The following PLCZ1 variants were observed in gnomAD, a reference collection of about 807,000 sequenced individuals.
The protein encoded by PLCZ1 is phospholipase C zeta 1, also known as 1-phosphatidylinositol 4,5-bisphosphate phosphodiesterase zeta-1.
Under a neutral mutation model 76.8 loss-of-function variants are expected in PLCZ1, and 64 were observed. The ratio of observed to expected loss-of-function variants is 0.83; its 90% CI spans 0.68 to 1.03. The LOEUF is 1.03. Ranked by LOEUF, PLCZ1 falls within the 50% of genes least tolerant of loss-of-function variation. PLCZ1 has a pLI of 0.00. For synonymous variants in PLCZ1, 248 were observed against 230.8 expected (o/e 1.07, Z -0.68); for missense variants, 751 against 713.7 (o/e 1.05, Z -0.60).
chr12:18,709,392 C>A (rs1957024915), intron 6 of PLCZ1, among the ~76,000 whole-genome samples: 2 of 152,094 alleles, frequency 1.3e-5, no homozygotes, highest in African/African-American at 4.8e-5. Context: ...TTTTTCTGCA[C>A]AGGACCATGC....
the PLCZ1 span, among the ~76,000 whole-genome samples, chr12:18,656,597 A>G: frequency 6.6e-6 from 1 of 152,090 alleles, no homozygotes; most frequent in Non-Finnish European, 1.5e-5. Context: ...ATAGCCAGGC[A>G]TGGTTACATG....
In PLCZ1 at chr12:18,712,917, T is replaced by A. The variant is rs1308174787; in HGVS notation, c.639A>T (p.Val213=). 1 of 1,613,952 alleles carries A rather than the reference T, an allele frequency of 6.2e-7. No individual in the cohort carries two copies. Among genetic ancestry groups the A allele is most frequent in the Non-Finnish European group, 8.5e-7 (1 of 1,179,864 alleles). Residue 213 remains valine (V), a synonymous_variant, in exon 6 of 15, where the codon GTA becomes GTT. Transcript: ENST00000266505. The part of the protein sequence containing the change: ...CWDGAQNEPV[V]YHGYTLTSKL... Reference sequence around the variant, plus strand: ...TGCTTGTGAGTGTGTAGCCATGATATACAACAGGTTCATTTTGTGCTCCAT... The same window carrying A: ...TGCTTGTGAGTGTGTAGCCATGATAAACAACAGGTTCATTTTGTGCTCCAT...
At chr12:18,735,541 C>A (rs1459268972) in intron 3 of PLCZ1, among the ~76,000 whole-genome samples, 1 of 152,132 alleles carries the variant, frequency 6.6e-6, no homozygotes, top group Non-Finnish European at 1.5e-5. Context: ...CACACAGCCT[C>A]TCAGTCTCCT....
chr12:18,671,317 G>C, the PLCZ1 span, among the ~76,000 whole-genome samples: 1 of 152,062 alleles, frequency 6.6e-6, no homozygotes, highest in East Asian at 1.9e-4. Flanking sequence ...GAAGATATTG[G>C]GATTTTTTTT....
chr12:18,669,512 C>T, the PLCZ1 span, among the ~76,000 whole-genome samples: 1 of 152,160 alleles, frequency 6.6e-6, no homozygotes, highest in South Asian at 2.1e-4. Context: ...GCTTAAACAA[C>T]AGAAATTTAT....
chr12:18,700,418 C>T (rs1461499193), intron 9 of PLCZ1, among the ~76,000 whole-genome samples: 1 of 146,762 alleles, frequency 6.8e-6, no homozygotes, highest in Non-Finnish European at 1.5e-5. Flanking sequence ...AAGTATGAGT[C>T]AGGCAGATTG....
At chr12:18,649,807 A>G in the PLCZ1 span, among the ~76,000 whole-genome samples, 23,670 of 152,054 alleles carry the variant, frequency 0.16, 2,356 homozygotes, top group East Asian at 0.44. Flanking sequence ...TATTTTCTTC[A>G]TTTGGCTTCC....
At chr12:18,683,368 C>T (rs749833280) in intron 14 of PLCZ1, 44 bp from the exon 15 acceptor site, 3 of 1,578,032 alleles carry the variant, frequency 1.9e-6, no homozygotes, top group Middle Eastern at 1.7e-4. Flanking sequence ...ACCAATTAAT[C>T]AGTGGTGTCT....
At chr12:18,722,804 C>T (rs182794521) in intron 4 of PLCZ1, among the ~76,000 whole-genome samples, 52 of 151,862 alleles carry the variant, frequency 3.4e-4, no homozygotes, top group African/African-American at 5.5e-4. Flanking sequence ...TATATATTTA[C>T]GAAATGTTGT....
chr12:18,675,372 G>C, the PLCZ1 span, among the ~76,000 whole-genome samples: 2 of 152,144 alleles, frequency 1.3e-5, no homozygotes, highest in Admixed American at 1.3e-4. Context: ...TATACCAACA[G>C]ATCTTCACAT....
At chr12:18,661,261 A>G in the PLCZ1 span, among the ~76,000 whole-genome samples, 1 of 152,142 alleles carries the variant, frequency 6.6e-6, no homozygotes, top group Non-Finnish European at 1.5e-5. Context: ...AATATTTCCA[A>G]GTGTGATGAG....
chr12:18,646,142 C>G, the PLCZ1 span, among the ~76,000 whole-genome samples: 1 of 152,090 alleles, frequency 6.6e-6, no homozygotes, highest in Non-Finnish European at 1.5e-5. Flanking sequence ...CTCTTAAAAT[C>G]CTTTATTATC....
chr12:18,731,909 TCAAA>T (rs1291766189), intron 3 of PLCZ1, among the ~76,000 whole-genome samples: 1 of 152,146 alleles, frequency 6.6e-6, no homozygotes, highest in Non-Finnish European at 1.5e-5. Context: ...TAGTTATTCT[TCAAA>T]CAAAGATAAT....
At chr12:18,710,778 A>G (rs1235356871) in intron 6 of PLCZ1, among the ~76,000 whole-genome samples, 4 of 152,180 alleles carry the variant, frequency 2.6e-5, no homozygotes, top group South Asian at 2.1e-4. Flanking sequence ...AAAACACATG[A>G]AAAAATGCTC....
At chr12:18,673,313 TAA>T in the PLCZ1 span, among the ~76,000 whole-genome samples, 3 of 152,226 alleles carry the variant, frequency 2.0e-5, no homozygotes, top group East Asian at 1.9e-4. Flanking sequence ...AAATAGTATA[TAA>T]GTTATTGAAA....
At chr12:18,666,887 A>C in the PLCZ1 span, among the ~76,000 whole-genome samples, 1 of 152,186 alleles carries the variant, frequency 6.6e-6, no homozygotes, top group South Asian at 2.1e-4. Context: ...GTAAACCTAA[A>C]ACTGTTAAGT....
At chr12:18,647,918 AT>A in the PLCZ1 span, 70 of 1,596,792 alleles carry the variant, frequency 4.4e-5, 1 homozygote, top group South Asian at 1.7e-4. Context: ...ACATGTCTTA[AT>A]GCTTATTGTG....
chr12:18,722,602 A>G (rs1052559843), intron 4 of PLCZ1, among the ~76,000 whole-genome samples: 2 of 152,054 alleles, frequency 1.3e-5, no homozygotes, highest in African/African-American at 2.4e-5. Flanking sequence ...GGTACCATAT[A>G]TGATTATTTT....
At chr12:18,693,291 A>G (rs1367390027) in intron 12 of PLCZ1, 5 of 1,523,132 alleles carry the variant, frequency 3.3e-6, no homozygotes, top group South Asian at 1.1e-5. Flanking sequence ...TCCCCTGGTC[A>G]CAGTGATGAA....
Sources: gnomAD v4.1 joint callset for allele counts (sites outside exome capture counted in the v4.1 genomes callset) on GRCh38, gnomAD v4.1.1 for gene constraint, MANE v1.5 for transcripts, NCBI Gene and HGNC (gene_info 2026-07-23, HGNC 2026-07-21) for gene names.